The following NKAIN2 variants were observed in gnomAD, a reference collection of about 807,000 sequenced individuals.
The protein encoded by NKAIN2 is sodium/potassium transporting ATPase interacting 2.
Under a neutral mutation model 32.6 loss-of-function variants are expected in NKAIN2, and 14 were observed. The observed-to-expected ratio is 0.43, with a 90% confidence interval of 0.28 to 0.67. The LOEUF (loss-of-function observed/expected upper bound fraction) is 0.67, where lower values mean the gene tolerates loss of function less well. NKAIN2 is among the 30% of genes least tolerant of loss of function. The pLI is 0.17. For missense variants in NKAIN2, 198 were observed against 258.3 expected, an observed-to-expected ratio of 0.77 and a Z score of 1.60; for synonymous variants, 80 against 87.2, an observed-to-expected ratio of 0.92 and a Z score of 0.46.
intron 1 of NKAIN2, among the ~76,000 whole-genome samples, chr6:123,854,066 C>G (rs1025350481): frequency 1.3e-5 from 2 of 152,150 alleles, no homozygotes; most frequent in Non-Finnish European, 2.9e-5. Context: ...AGCCACCACA[C>G]CCGCCCGATA....
In NKAIN2 at chr6:124,409,895, T is replaced by C. The variant is rs567188720; in HGVS notation, c.273+54548T>C. On this transcript the variant is annotated intron_variant, in intron 3 of 6. Coordinates refer to ENST00000368417, the MANE Select transcript of NKAIN2 (RefSeq NM_001040214.3). ...AGCCTGTTACTGGTCTATTCAGAGA[T>C]TCAACTGCTTCCTAGTTTAGTCTTG... 1.3e-3 allele frequency among the ~76,000 whole-genome samples: 203 copies of C among 152,326 alleles called. 1 individual carries two copies. Among genetic ancestry groups the C allele is most frequent in the African/African-American group, 4.7e-3 (195 of 41,570 alleles).
At chr6:124,277,298 T>A (rs1795076976) in intron 1 of NKAIN2, among the ~76,000 whole-genome samples, 1 of 152,100 alleles carries the variant, frequency 6.6e-6, no homozygotes, top group Non-Finnish European at 1.5e-5. Flanking sequence ...ATTCTGTAGG[T>A]TAGGCTGGAA....
At chr6:124,719,273 A>G (rs1253032786) in intron 4 of NKAIN2, among the ~76,000 whole-genome samples, 4 of 152,178 alleles carry the variant, frequency 2.6e-5, no homozygotes, top group Non-Finnish European at 5.9e-5. Flanking sequence ...CACTGGTTCA[A>G]ACTTTAATGG....
At chr6:124,113,200 C>T (rs1214877150) in intron 1 of NKAIN2, among the ~76,000 whole-genome samples, 1 of 152,030 alleles carries the variant, frequency 6.6e-6, no homozygotes, top group Non-Finnish European at 1.5e-5. Context: ...TTCTGGTGGC[C>T]TCTATCAACT....
intron 1 of NKAIN2, among the ~76,000 whole-genome samples, chr6:124,025,802 A>T (rs1247028788): frequency 2.6e-5 from 4 of 152,220 alleles, no homozygotes; most frequent in Non-Finnish European, 4.4e-5. Context: ...ACACCTTAGC[A>T]TTGTGGGGAT....
At chr6:124,335,538 T>C (rs1042540609) in intron 2 of NKAIN2, among the ~76,000 whole-genome samples, 13 of 152,180 alleles carry the variant, frequency 8.5e-5, no homozygotes, top group African/African-American at 3.1e-4. Context: ...AAAGCATCTC[T>C]GATGAGAGGA....
chr6:124,727,104 G>A (rs1024162760), intron 4 of NKAIN2, among the ~76,000 whole-genome samples: 37 of 152,250 alleles, frequency 2.4e-4, no homozygotes, highest in Middle Eastern at 3.4e-3. Context: ...AAGTGAAGTG[G>A]AGAATGGAAC....
intron 2 of NKAIN2, among the ~76,000 whole-genome samples, chr6:124,341,968 G>T (rs959808843): frequency 6.6e-6 from 1 of 152,174 alleles, no homozygotes; most frequent in African/African-American, 2.4e-5. Context: ...ACCATGGTGA[G>T]AATGCCTAAA....
intron 5 of NKAIN2, among the ~76,000 whole-genome samples, chr6:124,802,928 T>G (rs1271127587): frequency 1.3e-5 from 2 of 152,214 alleles, no homozygotes; most frequent in Non-Finnish European, 2.9e-5. Context: ...TTTCCTTCCT[T>G]GCTTGCACAT....
chr6:124,426,477 A>G (rs553901723), intron 3 of NKAIN2, among the ~76,000 whole-genome samples: 2 of 152,304 alleles, frequency 1.3e-5, no homozygotes. Flanking sequence ...AACCCTCAAA[A>G]GTTAAGAATT....
chr6:123,840,498 A>G (rs1407506039), intron 1 of NKAIN2, among the ~76,000 whole-genome samples: 1 of 152,124 alleles, frequency 6.6e-6, no homozygotes, highest in African/African-American at 2.4e-5. Flanking sequence ...GATTATTTTT[A>G]TGATTTACAT....
At chr6:124,585,277 A>G (rs563443035) in intron 3 of NKAIN2, among the ~76,000 whole-genome samples, 4 of 152,284 alleles carry the variant, frequency 2.6e-5, no homozygotes, top group African/African-American at 9.6e-5. Flanking sequence ...ACTCATGGGG[A>G]TAGAGAGTAG....
At chr6:124,762,703 G>A (rs1028431239) in intron 4 of NKAIN2, among the ~76,000 whole-genome samples, 21 of 152,166 alleles carry the variant, frequency 1.4e-4, no homozygotes, top group Non-Finnish European at 2.9e-4. Context: ...CAGTGAAATT[G>A]GAGAAAAGTG....
intron 1 of NKAIN2, among the ~76,000 whole-genome samples, chr6:123,981,532 T>A (rs984496698): frequency 6.6e-6 from 1 of 152,122 alleles, no homozygotes; most frequent in African/African-American, 2.4e-5. Context: ...GTCGCTTTCA[T>A]TCCATCACAT....
intron 1 of NKAIN2, among the ~76,000 whole-genome samples, chr6:123,946,005 G>T (rs796696158): frequency 1.2e-4 from 19 of 152,134 alleles, no homozygotes; most frequent in African/African-American, 4.6e-4. Flanking sequence ...TCAATATCAA[G>T]TTCATTCCAT....
At chr6:123,852,976 C>G (rs1775411810) in intron 1 of NKAIN2, among the ~76,000 whole-genome samples, 1 of 152,200 alleles carries the variant, frequency 6.6e-6, no homozygotes, top group African/African-American at 2.4e-5. Context: ...CCATGTTTTA[C>G]AGATGCTAGT....
intron 1 of NKAIN2, among the ~76,000 whole-genome samples, chr6:123,877,499 A>C (rs1228210679): frequency 2.0e-5 from 3 of 152,238 alleles, no homozygotes; most frequent in Non-Finnish European, 1.5e-5. Flanking sequence ...TTTCAAGCCA[A>C]CTACAATCCT....
chr6:124,330,427 C>T (rs927832163), intron 2 of NKAIN2, among the ~76,000 whole-genome samples: 5 of 152,158 alleles, frequency 3.3e-5, no homozygotes, highest in Non-Finnish European at 7.3e-5. Flanking sequence ...GCAATAGAAG[C>T]TGATCCCATG....
rs1326195559 is a variant in NKAIN2 at position 124,119,570 on chromosome 6, G to T, written c.55-163435G>T. On this transcript the variant is annotated intron_variant, in intron 1 of 6. Coordinates refer to ENST00000368417, the MANE Select transcript of NKAIN2 (RefSeq NM_001040214.3). ...AGAACTCCCAAACTCTTGCATATGG[G>T]ACTGTATCTAACTCACAGACGTATT... 6.6e-5 allele frequency among the ~76,000 whole-genome samples: 10 copies of T among 152,254 alleles called. No individual in the cohort carries two copies. In the East Asian group the frequency reaches 1.9e-3, roughly 29 times the overall value.
Sources: allele counts gnomAD v4.1 joint callset (sites outside exome capture counted in the v4.1 genomes callset), GRCh38; gene constraint gnomAD v4.1.1; transcripts MANE v1.5; gene names NCBI Gene and HGNC (gene_info 2026-07-23, HGNC 2026-07-21).